The following HELZ variants were observed in gnomAD, a reference collection of about 807,000 sequenced individuals.
The protein encoded by HELZ is helicase with zinc finger.
A neutral mutation model predicts 218.2 loss-of-function variants in HELZ; 23 were observed. The observed-to-expected ratio is 0.11, with a 90% CI of 0.08 to 0.15. HELZ has a LOEUF of 0.15. Among genes scored for constraint, HELZ ranks in the 10% least tolerant of loss-of-function variants. The pLI, the probability that HELZ is intolerant of heterozygous loss-of-function variation, is 1.00. For synonymous variants in HELZ, 814 were observed against 829.4 expected (o/e 0.98, Z 0.32); for missense variants, 1,813 against 2,353.7 (o/e 0.77, Z 4.75).
At chr17:67,168,245 C>T (rs2039207715) in intron 13 of HELZ, among the ~76,000 whole-genome samples, 1 of 152,150 alleles carries the variant, frequency 6.6e-6, no homozygotes, top group South Asian at 2.1e-4. Flanking sequence ...TCCCAAAGTG[C>T]TGCGATTACA....
chr17:67,138,807 G>A (rs1205452737), intron 21 of HELZ, among the ~76,000 whole-genome samples: 1 of 152,150 alleles, frequency 6.6e-6, no homozygotes, highest in Non-Finnish European at 1.5e-5. Context: ...GATTATGATA[G>A]GGTTTTTAGG....
intron 2 of HELZ, among the ~76,000 whole-genome samples, chr17:67,242,369 G>A (rs978327500): frequency 1.1e-4 from 16 of 147,668 alleles, no homozygotes; most frequent in African/African-American, 3.5e-4. Flanking sequence ...CTGAGATCGC[G>A]TCATTGCACT....
intron 13 of HELZ, chr17:67,176,630 G>C (rs1443463391): frequency 6.6e-6 from 1 of 152,232 alleles, no homozygotes; most frequent in Non-Finnish European, 1.5e-5. Context: ...GAGCCCAGGA[G>C]TTCCAGATCT....
At chr17:67,189,513 C>T (rs1347540433) in intron 11 of HELZ, 76 bp downstream of exon 11, 1 of 843,982 alleles carries the variant, frequency 1.2e-6, no homozygotes, top group Non-Finnish European at 2.0e-6. Context: ...TTCTTTAACA[C>T]AGAGATTCAA....
At position 67,167,628 on chromosome 17, in the gene HELZ, A is replaced by T. The variant is rs769617687; in HGVS notation, c.1599T>A (p.Ala533=). 3.1e-6 allele frequency: 5 copies of T among 1,614,098 alleles called. No individual in the cohort carries two copies. The highest frequency in any genetic ancestry group is 4.2e-6 in the Non-Finnish European group (5 of 1,180,044). The change falls in exon 14 of 33, where the codon GCT becomes GCA. Residue 533 remains alanine (A), a synonymous_variant. Coordinates refer to ENST00000358691, the MANE Select transcript of HELZ (RefSeq NM_014877.4). ...AGRLVMTKVN[A]VYLLPVPKQK... ...GTTTAGGGACTGGTAATAAATAAACAGCATTGACTTTGGTCATCACCAGTC... is the reference window on the plus strand; with the variant it reads ...GTTTAGGGACTGGTAATAAATAAACTGCATTGACTTTGGTCATCACCAGTC...
intron 20 of HELZ, among the ~76,000 whole-genome samples, chr17:67,147,636 C>G (rs947495309): frequency 1.3e-5 from 2 of 151,454 alleles, no homozygotes; most frequent in Non-Finnish European, 2.9e-5. Context: ...TGCCACCATG[C>G]CCTGCTAATT....
At chr17:67,158,181 T>C (rs1424057967) in intron 17 of HELZ, among the ~76,000 whole-genome samples, 4 of 152,248 alleles carry the variant, frequency 2.6e-5, no homozygotes, top group African/African-American at 9.6e-5. Context: ...ATTTTCACAC[T>C]ATAGCACTTT....
intron 24 of HELZ, among the ~76,000 whole-genome samples, chr17:67,126,290 T>C (rs557073959): frequency 2.0e-5 from 3 of 152,320 alleles, no homozygotes; most frequent in Admixed American, 2.0e-4. Context: ...TAATCCTACA[T>C]TGTAAAGCTG....
chr17:67,215,248 G>C (rs919411168), intron 5 of HELZ, among the ~76,000 whole-genome samples: 3 of 152,198 alleles, frequency 2.0e-5, no homozygotes, highest in African/African-American at 7.2e-5. Context: ...ATTTTAGGAG[G>C]GACAGGCCCA....
chr17:67,203,646 C>T (rs150748646), intron 5 of HELZ, among the ~76,000 whole-genome samples: 127 of 152,290 alleles, frequency 8.3e-4, no homozygotes, highest in African/African-American at 2.8e-3. Flanking sequence ...AATAAACATA[C>T]CGAACTTACA....
intron 1 of HELZ, chr17:67,244,506 A>C: frequency 2.9e-6 from 2 of 697,494 alleles, no homozygotes; most frequent in Non-Finnish European, 3.5e-6. Context: ...ACTCTCAAGG[A>C]ATCTCCAGGA....
intron 13 of HELZ, chr17:67,176,424 T>G (rs1284235198): frequency 6.6e-6 from 1 of 152,260 alleles, no homozygotes; most frequent in Admixed American, 6.5e-5. Context: ...GCAAGACATG[T>G]GTCCAGACAT....
chr17:67,114,236 G>A (rs1346875762), intron 28 of HELZ, 88 bp downstream of exon 28: 11 of 842,672 alleles, frequency 1.3e-5, no homozygotes, highest in Non-Finnish European at 2.3e-5. Context: ...AGTGTACAAA[G>A]GGAGGTATTT....
At chr17:67,089,668 T>TATATATATATAGAGAGAGAGAG (rs71293575) in intron 31 of HELZ, among the ~76,000 whole-genome samples, 21 of 70,630 alleles carry the variant, frequency 3.0e-4, no homozygotes, top group Non-Finnish European at 4.1e-4. Context: ...TATATATATA[T>TATATATATATAGAGAGAGAGAG]AGAGAGAGAG....
At chr17:67,104,925 C>A (rs1188739560) in intron 31 of HELZ, among the ~76,000 whole-genome samples, 7 of 152,112 alleles carry the variant, frequency 4.6e-5, no homozygotes, top group Non-Finnish European at 4.4e-5. Flanking sequence ...TTGAGACCAG[C>A]CTGGCCAATA....
chr17:67,200,162 G>A (rs2040133139), intron 7 of HELZ, among the ~76,000 whole-genome samples: 1 of 151,910 alleles, frequency 6.6e-6, no homozygotes, highest in Admixed American at 6.6e-5. Flanking sequence ...ACTGTACATG[G>A]GCTTTTATGA....
At chr17:67,083,288 T>C (rs955412789) in intron 32 of HELZ, among the ~76,000 whole-genome samples, 2 of 152,212 alleles carry the variant, frequency 1.3e-5, no homozygotes, top group African/African-American at 4.8e-5. Flanking sequence ...ATATTCCCAA[T>C]AAGAGAAAAC....
rs1479557503 is a variant in HELZ at position 67,071,197 on chromosome 17, G to C, written c.*7055C>G. On this transcript the variant is annotated 3_prime_UTR_variant, in exon 33 of 33. Coordinates refer to ENST00000358691, the MANE Select transcript of HELZ (RefSeq NM_014877.4). ...ACAATGTCATATACATGGATTTATAGGAAGCAGGCATGGTCTGGATTTATG... is the reference window on the plus strand; with the variant it reads ...ACAATGTCATATACATGGATTTATACGAAGCAGGCATGGTCTGGATTTATG... 6.6e-6 allele frequency: 1 copy of C among 152,592 alleles called. No homozygotes were observed. Among genetic ancestry groups the C allele is most frequent in the Non-Finnish European group, 1.5e-5 (1 of 68,028 alleles). The allele number at this position is 152,592 out of a possible 1,614,324, so 9.5% of individuals were successfully genotyped here. A position where few individuals can be genotyped will look rare whatever the true frequency, so the allele number is the denominator to read the frequency against.
chr17:67,208,536 T>C (rs1174640601), intron 5 of HELZ, among the ~76,000 whole-genome samples: 1 of 152,080 alleles, frequency 6.6e-6, no homozygotes. Flanking sequence ...TATTTCAGAA[T>C]AAAGAGTTTA....
Sources: allele counts gnomAD v4.1 joint callset (sites outside exome capture counted in the v4.1 genomes callset), GRCh38; gene constraint gnomAD v4.1.1; transcripts MANE v1.5; gene names NCBI Gene and HGNC (gene_info 2026-07-23, HGNC 2026-07-21).